RBBP5: variants seen among roughly 807,000 people sequenced by gnomAD.
RBBP5 encodes the protein RB binding protein 5, histone lysine methyltransferase complex subunit.
RBBP5 carries 5 observed loss-of-function variants against 72.2 expected under a neutral mutation model. The observed-to-expected ratio is 0.07, with a 90% confidence interval of 0.04 to 0.15. The LOEUF (loss-of-function observed/expected upper bound fraction) is 0.15. Among genes scored for constraint, RBBP5 ranks in the 10% least tolerant of loss-of-function variants. The probability of loss-of-function intolerance (pLI) is 1.00; values close to 1 mark genes in which losing one functional copy is unlikely to be tolerated. For synonymous variants in RBBP5, 209 were observed against 237.2 expected, an observed-to-expected ratio of 0.88 and a Z score of 1.09; for missense variants, 322 against 652.2, an observed-to-expected ratio of 0.49 and a Z score of 5.51.
intron 1 of RBBP5, among the ~76,000 whole-genome samples, chr1:205,120,849 T>A (rs4951175): frequency 1.3e-5 from 2 of 152,128 alleles, no homozygotes; most frequent in Non-Finnish European, 2.9e-5. Flanking sequence ...TTTTTCCTGG[T>A]TGACTTCTTC....
In RBBP5 at chr1:205,088,406, C is replaced by A; in HGVS notation, c.*381G>T. The A allele has an allele frequency of 5.2e-6, 1 of 191,530 alleles. No homozygotes were observed. The allele number at this position is 191,530 out of a possible 1,614,324, so 11.9% of individuals were successfully genotyped here. On this transcript the variant is annotated 3_prime_UTR_variant, in exon 14 of 14. Coordinates refer to ENST00000264515, the MANE Select transcript of RBBP5 (RefSeq NM_005057.4). ...TCACTCAAAGACATGCATTGAGGACCGAAGGCAAATGGGAGATAGGAAATG... is the reference window on the plus strand; with the variant it reads ...TCACTCAAAGACATGCATTGAGGACAGAAGGCAAATGGGAGATAGGAAATG...
In RBBP5 at chr1:205,087,456, A is replaced by T. The variant is rs1655177890; in HGVS notation, c.*1331T>A. 1 of 151,788 alleles carries T rather than the reference A, an allele frequency of 6.6e-6. No homozygotes were observed. The highest frequency in any genetic ancestry group is 1.5e-5 in the Non-Finnish European group (1 of 68,024). 9.4% of individuals were successfully genotyped at this position (151,788 alleles called of 1,614,324 possible). A position where few individuals can be genotyped will look rare whatever the true frequency, so the allele number is the denominator to read the frequency against. ...GGTGATCAACCCGCCTTGGCCTCCC[A>T]AAGTGCTGGGATTACAGGCGTGACC... On this transcript the variant is annotated 3_prime_UTR_variant, in exon 14 of 14. Coordinates refer to ENST00000264515, the MANE Select transcript of RBBP5 (RefSeq NM_005057.4).
In RBBP5 at chr1:205,088,634, T is replaced by G; in HGVS notation, c.*153A>C. On this transcript the variant is annotated 3_prime_UTR_variant, in exon 14 of 14. Coordinates refer to ENST00000264515, the MANE Select transcript of RBBP5 (RefSeq NM_005057.4). The stretch of plus-strand genomic sequence containing the variant: ...CGTATACTCTTCTTCCATAATTCAC[T>G]TCTTCATTTAAACATAAAATTCACC... 2 of 696,050 alleles carry G rather than the reference T, an allele frequency of 2.9e-6. No individual in the cohort carries two copies. The highest frequency in any genetic ancestry group is 3.0e-5 in the East Asian group (1 of 33,636). 43.1% of individuals were successfully genotyped at this position (696,050 alleles called of 1,614,324 possible).
Position 205,099,455 on chromosome 1 carries a change from G to A in RBBP5, c.978+286C>T, listed in dbSNP as rs1023533705. 6.6e-6 allele frequency among the ~76,000 whole-genome samples: 1 copy of A among 152,056 alleles called. No individual in the cohort carries two copies. Among genetic ancestry groups the A allele is most frequent in the Non-Finnish European group, 1.5e-5 (1 of 67,998 alleles). Reference sequence around the variant, plus strand: ...TAAGATGTAAAACAGAAACTGAGCTGAAAGTAAGAAAAGCAAAAGAAAAAT... The same window carrying A: ...TAAGATGTAAAACAGAAACTGAGCTAAAAGTAAGAAAAGCAAAAGAAAAAT... On this transcript the variant is annotated intron_variant, in intron 9 of 13. Coordinates refer to ENST00000264515, the MANE Select transcript of RBBP5 (RefSeq NM_005057.4). The surrounding 1 kb of genome is among the most constrained non-coding windows in gnomAD (Gnocchi z 4.7).
intron 3 of RBBP5, among the ~76,000 whole-genome samples, chr1:205,106,835 A>G (rs1417243809): frequency 2.6e-5 from 4 of 152,186 alleles, no homozygotes. Flanking sequence ...ACAGATGGGG[A>G]AAAAAGCCCA....
chr1:205,093,469 A>C (rs1655438843), intron 13 of RBBP5, among the ~76,000 whole-genome samples: 1 of 11,916 alleles, frequency 8.4e-5, no homozygotes, highest in African/African-American at 2.2e-4. Flanking sequence ...AAAAAAAAAA[A>C]AAAAAAAAAA....
chr1:205,110,784 C>A (rs975336802), intron 3 of RBBP5, among the ~76,000 whole-genome samples: 1 of 152,090 alleles, frequency 6.6e-6, no homozygotes, highest in African/African-American at 2.4e-5. Flanking sequence ...TTTTAAATGG[C>A]CAAGCACGGT....
At chr1:205,114,682 CT>C (rs1188662343) in intron 3 of RBBP5, 106 bp downstream of exon 3, 59 of 1,090,490 alleles carry the variant, frequency 5.4e-5, no homozygotes, top group Admixed American at 9.6e-5. Flanking sequence ...TTACTAATGG[CT>C]GAATATTTAA....
chr1:205,108,961 A>G (rs749749174), intron 3 of RBBP5, among the ~76,000 whole-genome samples: 2 of 152,208 alleles, frequency 1.3e-5, no homozygotes, highest in African/African-American at 4.8e-5. Flanking sequence ...CTGGTACATA[A>G]TAAGTGCTCA....
In RBBP5 at chr1:205,099,923, G is replaced by T; in HGVS notation, c.894C>A (p.Leu298=). Residue 298 remains leucine (L), a synonymous_variant, in exon 8 of 14, where the codon CTC becomes CTA. Coordinates refer to ENST00000264515, the MANE Select transcript of RBBP5 (RefSeq NM_005057.4). The surrounding 1 kb of genome is among the most constrained non-coding windows in gnomAD (Gnocchi z 4.7). ...CTAATGTACTCACAGCTACATCCAA[G>T]AGGAGTTCTCCTCTCGTCCCATGGA... The part of the protein sequence containing the change: ...KILHGTRGEL[L]LDVAWHPVRP... The T allele has an allele frequency of 6.2e-7, 1 of 1,614,164 alleles. No individual in the cohort carries two copies. The highest frequency in any genetic ancestry group is 1.3e-5 in the African/African-American group (1 of 75,054).
At chr1:205,094,115 C>G (rs958583714) in intron 13 of RBBP5, among the ~76,000 whole-genome samples, 2 of 152,116 alleles carry the variant, frequency 1.3e-5, no homozygotes, top group Non-Finnish European at 2.9e-5. Context: ...TGGTAAGAAA[C>G]AGAAATTGTT....
intron 5 of RBBP5, among the ~76,000 whole-genome samples, chr1:205,102,094 T>C (rs1045455442): frequency 2.0e-5 from 3 of 152,014 alleles, no homozygotes; most frequent in African/African-American, 7.3e-5. Flanking sequence ...CAGGGTTTCT[T>C]CATGTTGGTC....
At chr1:205,113,813 T>C (rs1182877849) in intron 3 of RBBP5, among the ~76,000 whole-genome samples, 1 of 151,802 alleles carries the variant, frequency 6.6e-6, no homozygotes, top group African/African-American at 2.4e-5. Context: ...GCCTCCCAAG[T>C]AGCTGGGATT....
chr1:205,094,688 A>G (rs1655543321), intron 13 of RBBP5, among the ~76,000 whole-genome samples, 185 bp downstream of exon 13: 1 of 152,234 alleles, frequency 6.6e-6, no homozygotes, highest in South Asian at 2.1e-4. Context: ...CAAGGTTAAG[A>G]GCCACTGAAT....
chr1:205,114,726 T>G, intron 3 of RBBP5, 63 bp downstream of exon 3: 1 of 1,343,474 alleles, frequency 7.4e-7, no homozygotes, highest in Non-Finnish European at 1.0e-6. Flanking sequence ...ACAATGAGAT[T>G]TGCAAATATA....
intron 11 of RBBP5, 130 bp downstream of exon 11, chr1:205,097,196 A>G (rs1655651206): frequency 1.1e-6 from 1 of 909,508 alleles, no homozygotes; most frequent in Admixed American, 2.6e-5. Context: ...TTTCTTGTAC[A>G]CCAAACGAGT....
intron 10 of RBBP5, among the ~76,000 whole-genome samples, 182 bp downstream of exon 10, chr1:205,098,807 T>C (rs1236601813): frequency 7.0e-6 from 1 of 142,932 alleles, no homozygotes; most frequent in Non-Finnish European, 1.5e-5. Flanking sequence ...ATCACATCAT[T>C]GCATCCAGCC....
intron 1 of RBBP5, among the ~76,000 whole-genome samples, chr1:205,120,318 C>T (rs1656687381): frequency 6.6e-6 from 1 of 152,108 alleles, no homozygotes. Flanking sequence ...CCCTACCTTC[C>T]CTAAAAAGCC....
At position 205,098,996 on chromosome 1, in the gene RBBP5, C is replaced by T; in HGVS notation, c.1089G>A (p.Glu363=). The change falls in exon 10 of 14, where the codon GAG becomes GAA. Residue 363 remains glutamate, a synonymous_variant. Transcript: ENST00000264515. ...GCAATTTAGAAATAGTACCTGTCTG[C>T]TCAGGCTCACTCTTATCTTCATCTT... ...DIEDEDKSEP[E]QTGADAAEDE... 6.3e-7 allele frequency: 1 copy of T among 1,593,470 alleles called. No individual in the cohort carries two copies. Among genetic ancestry groups the T allele is most frequent in the South Asian group, 1.1e-5 (1 of 87,842 alleles).
Sources: gnomAD v4.1 joint callset for allele counts (sites outside exome capture counted in the v4.1 genomes callset) on GRCh38, gnomAD v4.1.1 for gene constraint, Gnocchi (gnomAD v3.1) non-coding constraint, MANE v1.5 for transcripts, NCBI Gene and HGNC (gene_info 2026-07-23, HGNC 2026-07-21) for gene names.